The following HIRA variants were observed in gnomAD, a reference collection of about 807,000 sequenced individuals.
The protein encoded by HIRA is protein HIRA.
In HIRA, 13 loss-of-function variants were observed where a neutral mutation model predicts 126.6. That is an observed-to-expected ratio of 0.10 (90% confidence interval 0.07 to 0.16). The LOEUF (loss-of-function observed/expected upper bound fraction) is 0.16. Ranked by LOEUF, HIRA falls within the 10% of genes least tolerant of loss-of-function variation. HIRA has a pLI of 1.00. For missense variants in HIRA, 834 were observed against 1,314.4 expected (o/e 0.63, Z 5.65); for synonymous variants, 511 against 520.0 (o/e 0.98, Z 0.24).
intron 15 of HIRA, among the ~76,000 whole-genome samples, chr22:19,366,477 G>C (rs560584670): frequency 4.1e-4 from 63 of 152,320 alleles, no homozygotes; most frequent in Admixed American, 1.2e-3. Flanking sequence ...GTGATTCATG[G>C]GATGTCAAAA....
chr22:19,347,271 T>C (rs879951716), intron 24 of HIRA, among the ~76,000 whole-genome samples: 9 of 152,212 alleles, frequency 5.9e-5, no homozygotes, highest in Non-Finnish European at 1.3e-4. Context: ...AACTACAACC[T>C]GATAACCAAG....
In HIRA at chr22:19,348,702, G is replaced by A. The variant is rs527936948; in HGVS notation, c.2937+2656C>T. On this transcript the variant is annotated intron_variant, in intron 24 of 24. Coordinates refer to ENST00000263208, the MANE Select transcript of HIRA (RefSeq NM_003325.4). ...AGTAGAGATGGGGTTTCACTAAGTT[G>A]GCCAGGCTGGTCTCAAACTCCTGAC... 8.9e-4 allele frequency among the ~76,000 whole-genome samples: 135 copies of A among 152,048 alleles called. 1 individual carries two copies. Among genetic ancestry groups the A allele is most frequent in the South Asian group, 1.0e-3 (5 of 4,820 alleles).
intron 24 of HIRA, among the ~76,000 whole-genome samples, chr22:19,340,406 A>C (rs1249380565): frequency 6.6e-6 from 1 of 152,180 alleles, no homozygotes; most frequent in African/African-American, 2.4e-5. Flanking sequence ...CTCACAGTTG[A>C]CTTTATACCG....
Position 19,387,685 on chromosome 22 carries a change from C to T in HIRA, c.1113+26G>A, listed in dbSNP as rs377027456. On this transcript the variant is annotated intron_variant, in intron 11 of 24. Transcript: ENST00000263208. ...ATTGTGGCAATGGCCACAGAGCACC[C>T]AGCAGCACAAGAGCCGTCAGCCTAC... The T allele has an allele frequency of 3.8e-6, 6 of 1,585,640 alleles. No individual in the cohort carries two copies. In the African/African-American group the frequency reaches 8.1e-5, roughly 21 times the overall value.
chr22:19,399,353 G>GT (rs76880124), intron 5 of HIRA, among the ~76,000 whole-genome samples: 1,906 of 138,406 alleles, frequency 0.014, 13 homozygotes, highest in Middle Eastern at 0.036. Flanking sequence ...AGCTTAACAG[G>GT]TTTTTTTTTT....
At chr22:19,373,937 T>TTTTTTTTTTTTTTTTTTGAGACGGA (rs71186604) in intron 15 of HIRA, among the ~76,000 whole-genome samples, 26 of 151,500 alleles carry the variant, frequency 1.7e-4, no homozygotes, top group South Asian at 4.2e-4. Flanking sequence ...CTGGCTTTTT[T>TTTTTTTTTTTTTTTTTTGAGACGGA]GTTCACTCTT....
intron 5 of HIRA, among the ~76,000 whole-genome samples, chr22:19,399,516 G>A (rs1278248224): frequency 6.6e-6 from 1 of 151,958 alleles, no homozygotes; most frequent in African/African-American, 2.4e-5. Flanking sequence ...AAGATTAACT[G>A]GATTCTGGTT....
rs184436945 is a variant in HIRA, at chr22:19,351,800, A to G, written c.2849-354T>C. Among the ~76,000 whole-genome samples the G allele has an allele frequency of 2.0e-5, 3 of 152,258 alleles. No individual in the cohort carries two copies. The highest frequency in any genetic ancestry group is 1.3e-4 in the Admixed American group (2 of 15,286). The stretch of plus-strand genomic sequence containing the variant: ...GGGCTGGTGAGATCTGTCTTTGAGA[A>G]GATGCGCTGGCAGCTGGTGTTGAGG... On this transcript the variant is annotated intron_variant, in intron 23 of 24. Coordinates refer to ENST00000263208, the MANE Select transcript of HIRA (RefSeq NM_003325.4). This position sits in a 1 kb window ranked among gnomAD's most constrained non-coding sequence, Gnocchi z 4.8.
intron 15 of HIRA, among the ~76,000 whole-genome samples, chr22:19,367,525 C>T (rs2088925158): frequency 1.3e-5 from 2 of 152,120 alleles, no homozygotes; most frequent in Admixed American, 1.3e-4. Flanking sequence ...CACCACCACG[C>T]CCCGCTAATT....
chr22:19,394,557 A>G (rs528813635), intron 7 of HIRA, 48 bp from the exon 8 acceptor site: 2 of 1,579,076 alleles, frequency 1.3e-6, no homozygotes, highest in South Asian at 1.1e-5. Flanking sequence ...CACCTTTGTG[A>G]CCAAAACTCT....
intron 18 of HIRA, among the ~76,000 whole-genome samples, chr22:19,358,322 G>A (rs1462644669): frequency 6.6e-6 from 1 of 152,198 alleles, no homozygotes; most frequent in Non-Finnish European, 1.5e-5. Context: ...TGGGGAACAG[G>A]TCTGCAGGCT....
At chr22:19,394,936 C>A (rs2089210938) in intron 7 of HIRA, among the ~76,000 whole-genome samples, 1 of 152,194 alleles carries the variant, frequency 6.6e-6, no homozygotes, top group Non-Finnish European at 1.5e-5. Context: ...CCTTTTTAAC[C>A]CAGGAGCCTG....
In HIRA at chr22:19,351,811, C is replaced by T. The variant is rs1036930910; in HGVS notation, c.2849-365G>A. ...ATCTGTCTTTGAGAAGATGCGCTGG[C>T]AGCTGGTGTTGAGGGGAGGTCAGGA... On this transcript the variant is annotated intron_variant, in intron 23 of 24. Coordinates refer to ENST00000263208, the MANE Select transcript of HIRA (RefSeq NM_003325.4). The surrounding 1 kb of genome is among the most constrained non-coding windows in gnomAD (Gnocchi z 4.8). Among the ~76,000 whole-genome samples, 2 of 152,074 alleles carry T rather than the reference C, an allele frequency of 1.3e-5. No homozygotes were observed. The highest frequency in any genetic ancestry group is 2.4e-5 in the African/African-American group (1 of 41,394).
At chr22:19,392,284 A>G (rs1397151599) in intron 8 of HIRA, 70 bp from the exon 9 acceptor site, 1 of 874,468 alleles carries the variant, frequency 1.1e-6, no homozygotes, top group East Asian at 2.6e-5. Flanking sequence ...CCCAAGTCCC[A>G]GCCCACTGAA....
intron 1 of HIRA, among the ~76,000 whole-genome samples, chr22:19,424,094 T>C (rs1269287029): frequency 6.6e-6 from 1 of 152,230 alleles, no homozygotes; most frequent in Non-Finnish European, 1.5e-5. Flanking sequence ...TCCTTCAACA[T>C]TTACTGAGTG....
chr22:19,354,211 G>T, intron 21 of HIRA, 93 bp from the exon 22 acceptor site: 1 of 1,323,856 alleles, frequency 7.6e-7, no homozygotes, highest in Admixed American at 2.6e-5. Context: ...AGAGGCCACA[G>T]AGAAGCAGCC....
intron 15 of HIRA, among the ~76,000 whole-genome samples, chr22:19,374,665 G>A (rs1197107204): frequency 6.6e-6 from 1 of 152,166 alleles, no homozygotes; most frequent in Non-Finnish European, 1.5e-5. Context: ...AGCATGCTGT[G>A]GCTTTAGCTC....
chr22:19,357,810 G>A (rs2088827351), intron 18 of HIRA, among the ~76,000 whole-genome samples: 1 of 152,218 alleles, frequency 6.6e-6, no homozygotes. Context: ...AGTCACTCCA[G>A]CAGGCTCAAG....
intron 9 of HIRA, 56 bp downstream of exon 9, chr22:19,392,045 A>G: frequency 9.7e-7 from 1 of 1,029,272 alleles, no homozygotes; most frequent in Non-Finnish European, 1.5e-6. Flanking sequence ...TCCACTTGCT[A>G]CTTTACCAAC....
Sources: gnomAD v4.1 joint callset for allele counts (sites outside exome capture counted in the v4.1 genomes callset) on GRCh38, gnomAD v4.1.1 for gene constraint, Gnocchi (gnomAD v3.1) non-coding constraint, MANE v1.5 for transcripts, NCBI Gene and HGNC (gene_info 2026-07-23, HGNC 2026-07-21) for gene names.